CATSPERE: variants seen among roughly 807,000 people sequenced by gnomAD.
CATSPERE encodes the protein cation channel sperm-associated auxiliary subunit epsilon.
Under a neutral mutation model 114.1 loss-of-function variants are expected in CATSPERE, and 93 were observed. The ratio of observed to expected loss-of-function variants is 0.81; its 90% CI spans 0.69 to 0.97. The LOEUF is 0.97. Among genes scored for constraint, CATSPERE ranks in the 50% least tolerant of loss-of-function variants. The pLI, the probability that CATSPERE is intolerant of heterozygous loss-of-function variation, is 0.00. For missense variants in CATSPERE, 1,058 were observed against 1,131.6 expected (o/e 0.93, Z 0.93); for synonymous variants, 341 against 384.1 (o/e 0.89, Z 1.31).
chr1:244,577,362 A>C (rs1000525958), intron 11 of CATSPERE, among the ~76,000 whole-genome samples: 6 of 152,218 alleles, frequency 3.9e-5, no homozygotes, highest in African/African-American at 1.4e-4. Context: ...TTAGATTTAC[A>C]TGCAGTCTCA....
chr1:244,566,437 C>T (rs1434398160), intron 10 of CATSPERE, among the ~76,000 whole-genome samples: 2 of 151,930 alleles, frequency 1.3e-5, no homozygotes, highest in South Asian at 2.1e-4. Flanking sequence ...TTAAGTCTCC[C>T]ACTATTATTG....
Position 244,523,227 on chromosome 1 carries a change from G to C in CATSPERE, c.536+4529G>C, listed in dbSNP as rs986657958. On this transcript the variant is annotated intron_variant, in intron 8 of 21. Coordinates refer to ENST00000366534, the MANE Select transcript of CATSPERE (RefSeq NM_001130957.2). The stretch of plus-strand genomic sequence containing the variant: ...AATCCAGCATATAAACAGAACCAAA[G>C]ACAAAAACCACATGATTATCTCAAT... 1.0e-4 allele frequency among the ~76,000 whole-genome samples: 15 copies of C among 148,930 alleles called. No homozygotes were observed. In the Middle Eastern group the frequency reaches 0.01, roughly 101 times the overall value.
chr1:244,490,862 T>C (rs1227295493), intron 6 of CATSPERE, among the ~76,000 whole-genome samples: 1 of 152,158 alleles, frequency 6.6e-6, no homozygotes, highest in East Asian at 1.9e-4. Flanking sequence ...TTAATTAACA[T>C]ATAATAAATT....
chr1:244,452,892 A>G (rs1369356036), upstream of CATSPERE, among the ~76,000 whole-genome samples: 1 of 152,178 alleles, frequency 6.6e-6, no homozygotes, highest in Non-Finnish European at 1.5e-5. Flanking sequence ...AACACAAATT[A>G]ACTATGATGT....
Position 244,561,086 on chromosome 1 carries a change from C to A in CATSPERE, c.1448C>A (p.Ala483Glu). Residue 483 changes from alanine (A) to glutamate (E), a missense_variant, in exon 10 of 22, where the codon GCA (alanine) becomes GAA (glutamate). Transcript: ENST00000366534. ...TTTACTGGGATTTTACAGACACCTG[C>A]AGGACATGGAAATCTATCAATGCTA... Reference protein sequence around the residue: ...FTFTGILQTPAGHGNLSMLSN... With the variant: ...FTFTGILQTPEGHGNLSMLSN... The A allele has an allele frequency of 6.2e-7, 1 of 1,611,554 alleles. No homozygotes were observed. The highest frequency in any genetic ancestry group is 8.5e-7 in the Non-Finnish European group (1 of 1,178,168).
At chr1:244,635,616 A>C (rs1471223738) in intron 21 of CATSPERE, 74 bp downstream of exon 21, 2 of 1,161,844 alleles carry the variant, frequency 1.7e-6, no homozygotes, top group Non-Finnish European at 2.6e-6. Context: ...AAGGAAAAGC[A>C]CCTCTCCCCC....
chr1:244,556,622 C>T (rs1273239797), intron 9 of CATSPERE, among the ~76,000 whole-genome samples: 3 of 152,114 alleles, frequency 2.0e-5, no homozygotes, highest in Non-Finnish European at 4.4e-5. Flanking sequence ...CAGACCATAT[C>T]GACCAATGTC....
At chr1:244,551,977 T>C (rs577986891) in intron 8 of CATSPERE, among the ~76,000 whole-genome samples, 31 of 137,028 alleles carry the variant, frequency 2.3e-4, no homozygotes, top group African/African-American at 7.1e-4. Context: ...GGCAGGAGAA[T>C]GGCATGAGCC....
intron 10 of CATSPERE, among the ~76,000 whole-genome samples, chr1:244,569,997 A>G (rs1017014447): frequency 2.0e-5 from 3 of 152,156 alleles, no homozygotes. Flanking sequence ...TTTCATGAAT[A>G]TTTTCCTCCT....
rs190221691 is a variant in CATSPERE at position 244,490,561 on chromosome 1, T to C, written c.351+90T>C. ...TTCCATATTTACCAGATGAGGAATTTTTCAAATGAATTTTGCAATGATATT... is the reference window on the plus strand; with the variant it reads ...TTCCATATTTACCAGATGAGGAATTCTTCAAATGAATTTTGCAATGATATT... On this transcript the variant is annotated intron_variant, in intron 6 of 21. Coordinates refer to ENST00000366534, the MANE Select transcript of CATSPERE (RefSeq NM_001130957.2). 2.1e-5 allele frequency: 18 copies of C among 848,856 alleles called. No individual in the cohort carries two copies. In the Admixed American group the frequency reaches 3.6e-4, roughly 17 times the overall value. 52.6% of individuals were successfully genotyped at this position (848,856 alleles called of 1,614,324 possible).
upstream of CATSPERE, among the ~76,000 whole-genome samples, chr1:244,459,859 CTGCATGAGTTGCTCAGACAGT>C (rs1452264695): frequency 6.6e-6 from 1 of 152,208 alleles, no homozygotes; most frequent in African/African-American, 2.4e-5. Flanking sequence ...TCAACCAGGC[CTGCATGAGTTGCTCAGACAGT>C]TGCAAAGCAA....
At chr1:244,451,866 G>C (rs1390759273), upstream of CATSPERE, 3 of 1,496,196 alleles carry the variant, frequency 2.0e-6, no homozygotes, top group Non-Finnish European at 2.7e-6. The surrounding 1 kb of genome is among the most constrained non-coding windows in gnomAD (Gnocchi z 6.6). Flanking sequence ...CCGGCGAGGA[G>C]TGAGCGAACT....
chr1:244,451,953 C>A, upstream of CATSPERE: 1 of 918,872 alleles, frequency 1.1e-6, no homozygotes, highest in South Asian at 1.9e-5. The surrounding 1 kb of genome is among the most constrained non-coding windows in gnomAD (Gnocchi z 6.6). Context: ...CCCGCCGGGC[C>A]GCCACCCTCC....
At chr1:244,544,958 T>C (rs3003239) in intron 8 of CATSPERE, among the ~76,000 whole-genome samples, 151,198 of 152,354 alleles carry the variant, frequency 0.99, 75,035 homozygotes, top group East Asian at 1. Flanking sequence ...ACACCTTCAA[T>C]GTCCTACCTC....
Position 244,591,669 on chromosome 1 carries a change from T to A in CATSPERE, c.2139-12T>A. On this transcript the variant is annotated splice_polypyrimidine_tract_variant and intron_variant, in intron 14 of 21. Coordinates refer to ENST00000366534, the MANE Select transcript of CATSPERE (RefSeq NM_001130957.2). ...ATGATATTTCAACTTCATTATGTTT[T>A]GTCTTTTGTAGATTTAGTAAAAAAG... 6.9e-7 allele frequency: 1 copy of A among 1,446,218 alleles called. No homozygotes were observed. The highest frequency in any genetic ancestry group is 9.6e-7 in the Non-Finnish European group (1 of 1,041,856). 89.6% of individuals were successfully genotyped at this position (1,446,218 alleles called of 1,614,324 possible).
At chr1:244,489,538 G>A (rs1311916402) in intron 5 of CATSPERE, among the ~76,000 whole-genome samples, 1 of 134,782 alleles carries the variant, frequency 7.4e-6, no homozygotes, top group Non-Finnish European at 1.5e-5. Context: ...GCTGGAGTCA[G>A]GTCTCAAAAA....
At chr1:244,581,288 T>C (rs1469057084) in intron 11 of CATSPERE, among the ~76,000 whole-genome samples, 1 of 152,230 alleles carries the variant, frequency 6.6e-6, no homozygotes, top group Non-Finnish European at 1.5e-5. Context: ...TCTGTATGAA[T>C]GTACTACAAG....
chr1:244,518,084 T>A (rs1169543457), intron 7 of CATSPERE, among the ~76,000 whole-genome samples: 1 of 152,190 alleles, frequency 6.6e-6, no homozygotes, highest in Non-Finnish European at 1.5e-5. Context: ...TTATTAGGAA[T>A]AATTCCAACT....
At chr1:244,564,507 G>T (rs1050160557) in intron 10 of CATSPERE, among the ~76,000 whole-genome samples, 3 of 152,114 alleles carry the variant, frequency 2.0e-5, no homozygotes, top group Admixed American at 2.0e-4. Flanking sequence ...TATGCTCTTT[G>T]TAGCAACTGT....
Sources: gnomAD v4.1 joint callset for allele counts (sites outside exome capture counted in the v4.1 genomes callset) on GRCh38, gnomAD v4.1.1 for gene constraint, Gnocchi (gnomAD v3.1) non-coding constraint, MANE v1.5 for transcripts, NCBI Gene and HGNC (gene_info 2026-07-23, HGNC 2026-07-21) for gene names.